The following C12orf42 variants were observed in gnomAD, a reference collection of about 807,000 sequenced individuals.
C12orf42 encodes chromosome 12 open reading frame 42.
In C12orf42, 25 loss-of-function variants were observed where a neutral mutation model predicts 21.6. The observed-to-expected ratio is 1.16, with a 90% CI of 0.84 to 1.62. C12orf42 has a LOEUF of 1.62. C12orf42 is among the 40% of genes most tolerant of loss of function. The pLI is 0.00. For missense variants in C12orf42, 483 were observed against 459.3 expected (o/e 1.05, Z -0.47); for synonymous variants, 174 against 175.0 (o/e 0.99, Z 0.05).
intron 2 of C12orf42, among the ~76,000 whole-genome samples, chr12:103,436,274 C>T (rs1950702350): frequency 6.6e-6 from 1 of 151,644 alleles, no homozygotes; most frequent in African/African-American, 2.4e-5. Flanking sequence ...AAAGGAACAA[C>T]CGGTACCAGG....
At chr12:103,162,485 T>C in the C12orf42 span, among the ~76,000 whole-genome samples, 176 of 150,854 alleles carry the variant, frequency 1.2e-3, 2 homozygotes, top group African/African-American at 4.2e-3. Flanking sequence ...TGAGGGTACA[T>C]AGATGTCAAG....
At chr12:103,246,693 T>C (rs1349906806) in intron 10 of C12orf42, among the ~76,000 whole-genome samples, 2 of 152,084 alleles carry the variant, frequency 1.3e-5, no homozygotes, top group African/African-American at 4.8e-5. Context: ...TCTATTCATA[T>C]GGTCAGAGTA....
At chr12:103,080,246 T>G in the C12orf42 span, among the ~76,000 whole-genome samples, 11 of 152,168 alleles carry the variant, frequency 7.2e-5, no homozygotes, top group Non-Finnish European at 1.3e-4. Context: ...CCAATGGCGA[T>G]AGATGTGAAA....
At chr12:103,531,342 G>A in the C12orf42 span, among the ~76,000 whole-genome samples, 1 of 152,096 alleles carries the variant, frequency 6.6e-6, no homozygotes, top group Non-Finnish European at 1.5e-5. Flanking sequence ...ATCAAAAAGG[G>A]TCCTAAAATT....
the C12orf42 span, among the ~76,000 whole-genome samples, chr12:103,203,324 A>G: frequency 6.6e-5 from 10 of 152,120 alleles, no homozygotes; most frequent in Non-Finnish European, 8.8e-5. Flanking sequence ...TAGTTCCTTT[A>G]GTGTTTTGTT....
intron 2 of C12orf42, among the ~76,000 whole-genome samples, chr12:103,439,120 T>G (rs1950988721): frequency 6.6e-6 from 1 of 152,000 alleles, no homozygotes; most frequent in Admixed American, 6.5e-5. Flanking sequence ...TACAACTATC[T>G]GATCTTTGAC....
chr12:103,490,129 A>C (rs1245465981), intron 1 of C12orf42, among the ~76,000 whole-genome samples: 3 of 152,184 alleles, frequency 2.0e-5, no homozygotes, highest in Non-Finnish European at 4.4e-5. Context: ...TCCTTCCTAC[A>C]CTAGGATCCC....
the C12orf42 span, among the ~76,000 whole-genome samples, chr12:103,116,633 T>C: frequency 1.1e-4 from 16 of 152,138 alleles, no homozygotes; most frequent in Non-Finnish European, 2.2e-4. Context: ...ATTTAGCTAG[T>C]GAACATTTGC....
At chr12:103,058,892 T>C in the C12orf42 span, among the ~76,000 whole-genome samples, 13 of 152,074 alleles carry the variant, frequency 8.5e-5, no homozygotes, top group African/African-American at 2.2e-4. Flanking sequence ...AGATCTCAAA[T>C]TGACACCCTA....
At chr12:103,137,820 T>C in the C12orf42 span, among the ~76,000 whole-genome samples, 1 of 152,060 alleles carries the variant, frequency 6.6e-6, no homozygotes, top group Admixed American at 6.6e-5. Flanking sequence ...GTTAAATAGT[T>C]GATCTCTTGG....
At chr12:103,157,755 G>T in the C12orf42 span, among the ~76,000 whole-genome samples, 22,738 of 152,148 alleles carry the variant, frequency 0.15, 2,117 homozygotes, top group African/African-American at 0.26. Flanking sequence ...TTTTTGGCAG[G>T]TTTGTAGAAG....
the C12orf42 span, among the ~76,000 whole-genome samples, chr12:103,225,079 A>C: frequency 6.6e-6 from 1 of 151,476 alleles, no homozygotes; most frequent in Non-Finnish European, 1.5e-5. Context: ...GCTGAGCCTA[A>C]TGGGTGTCAG....
intron 2 of C12orf42, among the ~76,000 whole-genome samples, chr12:103,438,924 A>G (rs1950965913): frequency 6.6e-6 from 1 of 151,994 alleles, no homozygotes; most frequent in Admixed American, 6.6e-5. Flanking sequence ...GTTCATATGG[A>G]ACCAAAAAAG....
chr12:103,338,026 T>TG (rs2041861050), intron 4 of C12orf42, among the ~76,000 whole-genome samples: 1 of 152,208 alleles, frequency 6.6e-6, no homozygotes, highest in Non-Finnish European at 1.5e-5. Flanking sequence ...CTACACCCTT[T>TG]TAGTTCTATT....
the C12orf42 span, among the ~76,000 whole-genome samples, chr12:103,144,848 A>C: frequency 6.6e-6 from 1 of 152,200 alleles, no homozygotes; most frequent in Non-Finnish European, 1.5e-5. Flanking sequence ...GACTAGGCTT[A>C]GAATGAGCAA....
At chr12:103,562,857 AT>A in the C12orf42 span, among the ~76,000 whole-genome samples, 2 of 152,326 alleles carry the variant, frequency 1.3e-5, no homozygotes, top group East Asian at 3.9e-4. Flanking sequence ...ACCATTATGT[AT>A]CAGAGTGTGT....
chr12:103,106,481 AT>A, the C12orf42 span, among the ~76,000 whole-genome samples: 1 of 152,126 alleles, frequency 6.6e-6, no homozygotes. Flanking sequence ...GTTTAAAAAA[AT>A]ATGGAATTAT....
chr12:103,553,901 C>T, the C12orf42 span, among the ~76,000 whole-genome samples: 1 of 152,190 alleles, frequency 6.6e-6, no homozygotes, highest in Non-Finnish European at 1.5e-5. Context: ...ACACCTTATC[C>T]ACTGCTCTTT....
intron 2 of C12orf42, among the ~76,000 whole-genome samples, chr12:103,477,496 G>C (rs1954147122): frequency 6.6e-6 from 1 of 152,048 alleles, no homozygotes; most frequent in South Asian, 2.1e-4. Flanking sequence ...GGTGGCAAAA[G>C]GAACGTTGCA....
Sources: allele counts gnomAD v4.1 joint callset (sites outside exome capture counted in the v4.1 genomes callset), GRCh38; gene constraint gnomAD v4.1.1; transcripts MANE v1.5; gene names NCBI Gene and HGNC (gene_info 2026-07-23, HGNC 2026-07-21).